Variants in CLIC5 observed in about 807,000 individuals in gnomAD.
The protein encoded by CLIC5 is chloride intracellular channel protein 5.
Under a neutral mutation model 24.7 loss-of-function variants are expected in CLIC5, and 20 were observed. The observed-to-expected ratio is 0.81, with a 90% CI of 0.57 to 1.18. The LOEUF (loss-of-function observed/expected upper bound fraction) is 1.18. CLIC5 is among the 50% of genes most tolerant of loss of function. The probability of loss-of-function intolerance (pLI) is 0.00; values close to 1 mark genes in which losing one functional copy is unlikely to be tolerated. For synonymous variants in CLIC5, 159 were observed against 135.6 expected, an observed-to-expected ratio of 1.17 and a Z score of -1.20; for missense variants, 341 against 326.1, an observed-to-expected ratio of 1.05 and a Z score of -0.35.
chr6:45,920,545 G>C (rs1763215922), intron 4 of CLIC5: 1 of 398,912 alleles, frequency 2.5e-6, no homozygotes, highest in Non-Finnish European at 3.4e-6. Context: ...TATTTTTGAA[G>C]AGAAAATACA....
chr6:45,902,974 G>T lies in CLIC5; in HGVS notation c.*114C>A. The T allele has an allele frequency of 1.7e-6, 2 of 1,163,470 alleles. No homozygotes were observed. Among genetic ancestry groups the T allele is most frequent in the Non-Finnish European group, 2.5e-6 (2 of 801,342 alleles). 72.1% of individuals were successfully genotyped at this position (1,163,470 alleles called of 1,614,324 possible). ...GTTCCCATGATACCAGCAAGATGAG[G>T]CTTGATTATAAAAAGTGCGCCTCAA... On this transcript the variant is annotated 3_prime_UTR_variant, in exon 6 of 6. Transcript: ENST00000339561.
At chr6:46,123,926 T>C in the CLIC5 span, among the ~76,000 whole-genome samples, 1 of 152,050 alleles carries the variant, frequency 6.6e-6, no homozygotes, top group Non-Finnish European at 1.5e-5. Context: ...CTCAATGAAA[T>C]AAAAGAGGAT....
rs141231603 is a variant in CLIC5, at chr6:45,949,513, T to C, written c.174-132A>G. On this transcript the variant is annotated intron_variant, in intron 2 of 5. Coordinates refer to ENST00000339561, the MANE Select transcript of CLIC5 (RefSeq NM_016929.5). The stretch of plus-strand genomic sequence containing the variant: ...TGTCAGGTGAAACAGATTTATGGTA[T>C]GCAGTATAGGGCAGGGGAGGTTGGA... 8.4e-3 allele frequency: 8,463 copies of C among 1,002,640 alleles called. 148 individuals are homozygous for C. Among genetic ancestry groups the C allele is most frequent in the Admixed American group, 0.055 (2,350 of 42,614 alleles). 62.1% of individuals were successfully genotyped at this position (1,002,640 alleles called of 1,614,324 possible). A position where few individuals can be genotyped will look rare whatever the true frequency, so the allele number is the denominator to read the frequency against.
chr6:46,038,422 G>A (rs1013548212), intron 1 of CLIC5, among the ~76,000 whole-genome samples: 3 of 152,136 alleles, frequency 2.0e-5, no homozygotes, highest in African/African-American at 7.2e-5. Flanking sequence ...GACAACCCAG[G>A]CCTGCATTAG....
At chr6:45,949,811 T>G (rs1764409853) in intron 2 of CLIC5, among the ~76,000 whole-genome samples, 1 of 152,216 alleles carries the variant, frequency 6.6e-6, no homozygotes, top group African/African-American at 2.4e-5. Context: ...ACTTTTCTCC[T>G]AATAAATATC....
chr6:45,887,281 G>A (rs988259742), intron 6 of CLIC5, among the ~76,000 whole-genome samples: 18 of 152,176 alleles, frequency 1.2e-4, no homozygotes, highest in African/African-American at 4.1e-4. Flanking sequence ...CAAGGTGTTG[G>A]TGGGGTTACA....
intron 6 of CLIC5, among the ~76,000 whole-genome samples, chr6:45,884,815 C>T (rs1343796105): frequency 1.3e-5 from 2 of 151,984 alleles, no homozygotes; most frequent in Admixed American, 6.6e-5. Flanking sequence ...AAAGGCTAAA[C>T]AATGACAACA....
upstream of CLIC5, among the ~76,000 whole-genome samples, chr6:46,083,400 T>C (rs566004499): frequency 6.6e-6 from 1 of 152,360 alleles, no homozygotes; most frequent in South Asian, 2.1e-4. Flanking sequence ...CTGCTTTCTC[T>C]TGTGGGCATT....
intron 5 of CLIC5, among the ~76,000 whole-genome samples, chr6:45,910,000 A>C (rs895396991): frequency 1.3e-5 from 2 of 152,172 alleles, no homozygotes; most frequent in Non-Finnish European, 2.9e-5. Flanking sequence ...GATGGATGAA[A>C]AACTCACTGT....
chr6:45,933,924 G>C (rs1763838909), intron 4 of CLIC5, among the ~76,000 whole-genome samples: 1 of 152,240 alleles, frequency 6.6e-6, no homozygotes, highest in African/African-American at 2.4e-5. Flanking sequence ...AGATGGAGAG[G>C]AGTCAGAGCA....
downstream of CLIC5, among the ~76,000 whole-genome samples, chr6:45,896,413 A>G (rs1190114415): frequency 6.6e-6 from 1 of 151,664 alleles, no homozygotes; most frequent in East Asian, 1.9e-4. Flanking sequence ...CCCTTCGGGA[A>G]ACTGAGGCCC....
intron 5 of CLIC5, 84 bp from the exon 6 acceptor site, chr6:45,903,339 T>C (rs1762561580): frequency 7.6e-7 from 1 of 1,318,868 alleles, no homozygotes; most frequent in Non-Finnish European, 1.0e-6. Context: ...CCAGTGTGTG[T>C]GCACTGCAGG....
At position 46,007,991 on chromosome 6, in the gene CLIC5, T is replaced by C. The variant is rs549808662; in HGVS notation, c.63+7489A>G. Among the ~76,000 whole-genome samples, 12 of 151,790 alleles carry C rather than the reference T, an allele frequency of 7.9e-5. No homozygotes were observed. In the South Asian group the frequency reaches 2.5e-3, roughly 32 times the overall value. ...GCAATTTTGTTACATGCATAGATTG[T>C]GCAGTGATCAAGTCAGGACTTTTAG... is the stretch of plus-strand genomic sequence containing the variant. On this transcript the variant is annotated intron_variant, in intron 1 of 5. Coordinates refer to ENST00000339561, the MANE Select transcript of CLIC5 (RefSeq NM_016929.5).
chr6:45,902,783 A>G lies in CLIC5; in HGVS notation c.*305T>C, dbSNP rs1762543597. On this transcript the variant is annotated 3_prime_UTR_variant, in exon 6 of 6. Transcript: ENST00000339561. ...TATTTTGATATTGGCAGAAGAAGCT[A>G]GTGGCAATCCCATATGTGGGCTCTC... 1 of 361,024 alleles carries G rather than the reference A, an allele frequency of 2.8e-6. No homozygotes were observed. The highest frequency in any genetic ancestry group is 5.0e-6 in the Non-Finnish European group (1 of 199,204). 22.4% of individuals were successfully genotyped at this position (361,024 alleles called of 1,614,324 possible).
At chr6:46,025,861 G>A (rs112115067) in intron 1 of CLIC5, among the ~76,000 whole-genome samples, 2,510 of 152,170 alleles carry the variant, frequency 0.016, 73 homozygotes, top group African/African-American at 0.055. Context: ...AAAAGTCTGT[G>A]GCACTTCCCC....
At chr6:45,942,103 G>A (rs1764152300) in intron 3 of CLIC5, among the ~76,000 whole-genome samples, 1 of 152,180 alleles carries the variant, frequency 6.6e-6, no homozygotes, top group Non-Finnish European at 1.5e-5. Context: ...AATTCTGGGA[G>A]CAAGGAGAAG....
intron 4 of CLIC5, among the ~76,000 whole-genome samples, chr6:45,936,022 T>C (rs1338128395): frequency 1.3e-5 from 2 of 152,058 alleles, no homozygotes; most frequent in African/African-American, 2.4e-5. Context: ...GGCTAGTCCT[T>C]CTTTCTCTTC....
chr6:46,096,753 CAACAACAA>C, the CLIC5 span, among the ~76,000 whole-genome samples: 18 of 152,052 alleles, frequency 1.2e-4, no homozygotes, highest in African/African-American at 4.3e-4. Flanking sequence ...TACTGATACA[CAACAACAA>C]CAACAACATG....
chr6:46,026,624 GT>G (rs1327981019), intron 1 of CLIC5, among the ~76,000 whole-genome samples: 1 of 152,142 alleles, frequency 6.6e-6, no homozygotes, highest in Non-Finnish European at 1.5e-5. Flanking sequence ...AAGGCAGAAA[GT>G]TCTTCAAATA....
Sources: gnomAD v4.1 joint callset for allele counts (sites outside exome capture counted in the v4.1 genomes callset) on GRCh38, gnomAD v4.1.1 for gene constraint, MANE v1.5 for transcripts, NCBI Gene and HGNC (gene_info 2026-07-23, HGNC 2026-07-21) for gene names.